Variants in ATP13A1 observed in about 807,000 individuals in gnomAD.
ATP13A1 encodes ATPase 13A1, also known as endoplasmic reticulum transmembrane helix translocase.
ATP13A1 carries 55 observed loss-of-function variants against 134.8 expected under a neutral mutation model. That is an observed-to-expected ratio of 0.41 (90% confidence interval 0.33 to 0.51). ATP13A1 has a LOEUF of 0.51. ATP13A1 is among the 20% of genes least tolerant of loss of function. The probability of loss-of-function intolerance (pLI) is 0.29; values close to 1 mark genes in which losing one functional copy is unlikely to be tolerated. For missense variants in ATP13A1, 1,389 were observed against 1,652.8 expected (o/e 0.84, Z 2.77); for synonymous variants, 775 against 725.1 (o/e 1.07, Z -1.10).
chr19:19,655,748 A>C lies in ATP13A1; in HGVS notation c.1270-94T>G, dbSNP rs1416926971. On this transcript the variant is annotated intron_variant, in intron 9 of 25. Coordinates refer to ENST00000357324, the MANE Select transcript of ATP13A1 (RefSeq NM_020410.3). This position sits in a 1 kb window ranked among gnomAD's most constrained non-coding sequence, Gnocchi z 5.7. ...GGCCTGGTCTTGGGGTGGCCTCTGC[A>C]CCCTGGCCCAGGTCCAGGGCCGTGC... The C allele has an allele frequency of 1.3e-6, 2 of 1,540,850 alleles. No homozygotes were observed. Among genetic ancestry groups the C allele is most frequent in the Non-Finnish European group, 1.8e-6 (2 of 1,142,154 alleles).
At chr19:19,663,123 T>A in intron 1 of ATP13A1, 148 bp downstream of exon 1, 1 of 1,205,280 alleles carries the variant, frequency 8.3e-7, no homozygotes, top group Non-Finnish European at 1.2e-6. Context: ...TGATTAAGCC[T>A]GCGCCAAAGT....
rs1181911577 is a variant in ATP13A1 at position 19,663,410 on chromosome 19, C to G, written c.257G>C (p.Cys86Ser). ...CACCCAACTGCTGCCCCAGCCCCAGCAGCCAGCGGCTGCGGCACCCAACCA... is the reference window on the plus strand; with the variant it reads ...CACCCAACTGCTGCCCCAGCCCCAGGAGCCAGCGGCTGCGGCACCCAACCA... ...PAWLGAAAAG[C>S]WGWGSSWVQI... The change falls in exon 1 of 26, where the codon TGC becomes TCC. Residue 86 changes from cysteine to serine, a missense_variant. Physicochemically the swap from Cys to Ser is moderately radical, Grantham distance 112. Coordinates refer to ENST00000357324, the MANE Select transcript of ATP13A1 (RefSeq NM_020410.3). The G allele has an allele frequency of 1.9e-6, 3 of 1,580,372 alleles. No individual in the cohort carries two copies. The highest frequency in any genetic ancestry group is 2.3e-5 in the South Asian group (2 of 86,938).
chr19:19,663,037 T>G, intron 1 of ATP13A1: 1 of 718,898 alleles, frequency 1.4e-6, no homozygotes, highest in Non-Finnish European at 2.5e-6. Context: ...TGAATCTAAA[T>G]GACCATAACA....
At chr19:19,662,573 C>T (rs1021476276) in intron 1 of ATP13A1, among the ~76,000 whole-genome samples, 2 of 152,142 alleles carry the variant, frequency 1.3e-5, no homozygotes, top group African/African-American at 4.8e-5. Context: ...CCAACTCCTC[C>T]GACGACACTT....
At chr19:19,657,856 C>T (rs2062069415) in intron 3 of ATP13A1, among the ~76,000 whole-genome samples, 1 of 152,098 alleles carries the variant, frequency 6.6e-6, no homozygotes, top group Admixed American at 6.6e-5. Flanking sequence ...TGAATTAAAG[C>T]CCCAGAATGG....
chr19:19,655,527 C>A lies in ATP13A1; in HGVS notation c.1396+1G>T. ...GGGACCACAGAGGCCGTGGCGCTTA[C>A]CTTCAATCCATACATAGGCAGCTGC... On this transcript the variant is annotated splice_donor_variant, in intron 10 of 25. Transcript: ENST00000357324. LOFTEE classifies it high-confidence loss of function. This position sits in a 1 kb window ranked among gnomAD's most constrained non-coding sequence, Gnocchi z 5.7. 1 of 1,613,986 alleles carries A rather than the reference C, an allele frequency of 6.2e-7. No individual in the cohort carries two copies. Among genetic ancestry groups the A allele is most frequent in the Non-Finnish European group, 8.5e-7 (1 of 1,179,880 alleles).
At position 19,651,728 on chromosome 19, in the gene ATP13A1, T is replaced by C. The variant is rs913818782; in HGVS notation, c.2296A>G (p.Lys766Glu). ...GGCTGCAGGATCAGCGTGTGGGCCT[T>C]TTCAATGAAGTGCAGCTCCTGGGCC... Reference protein sequence around the residue: ...HVAQELHFIEKAHTLILQPPS... With the variant: ...HVAQELHFIEEAHTLILQPPS... The change falls in exon 17 of 26, where the codon AAG becomes GAG. Residue 766 changes from lysine (K) to glutamate (E), a missense_variant. This residue lies in a region of ATP13A1 where 747 missense variants were observed against 956.1 expected (regional missense o/e 0.78). Coordinates refer to ENST00000357324, the MANE Select transcript of ATP13A1 (RefSeq NM_020410.3). 1.9e-6 allele frequency: 3 copies of C among 1,613,218 alleles called. No homozygotes were observed. The highest frequency in any genetic ancestry group is 2.5e-6 in the Non-Finnish European group (3 of 1,179,642).
intron 3 of ATP13A1, among the ~76,000 whole-genome samples, chr19:19,657,913 C>A (rs929382950): frequency 6.6e-6 from 1 of 152,022 alleles, no homozygotes; most frequent in Non-Finnish European, 1.5e-5. Flanking sequence ...CTTTGGGAGG[C>A]CGAGGCAGGA....
Position 19,645,549 on chromosome 19 carries a change from G to C in ATP13A1, c.3505-17C>G. ...CAGCTTGAACTGTCGGGGCAGGGAG[G>C]GATGGTGAGCTGGAGACCTGCAGCC... On this transcript the variant is annotated splice_polypyrimidine_tract_variant and intron_variant, in intron 25 of 25. Coordinates refer to ENST00000357324, the MANE Select transcript of ATP13A1 (RefSeq NM_020410.3). This position sits in a 1 kb window ranked among gnomAD's most constrained non-coding sequence, Gnocchi z 4.1. 2 of 1,581,192 alleles carry C rather than the reference G, an allele frequency of 1.3e-6. No individual in the cohort carries two copies. The highest frequency in any genetic ancestry group is 1.7e-6 in the Non-Finnish European group (2 of 1,163,908).
chr19:19,662,139 T>C (rs1251028562), intron 1 of ATP13A1: 1 of 1,558,200 alleles, frequency 6.4e-7, no homozygotes. Flanking sequence ...AGTTAAGAGC[T>C]AAGCTGCTTA....
In ATP13A1 at chr19:19,655,302, T is replaced by C. The variant is rs1365589486; in HGVS notation, c.1534+14A>G. On this transcript the variant is annotated intron_variant, in intron 11 of 25. Transcript: ENST00000357324. This position sits in a 1 kb window ranked among gnomAD's most constrained non-coding sequence, Gnocchi z 5.7. Reference sequence around the variant, plus strand: ...CCAGCCCACTCGGCACCCCATCCCATTTGACACACTCACAGAGCTTGGCCA... The same window carrying C: ...CCAGCCCACTCGGCACCCCATCCCACTTGACACACTCACAGAGCTTGGCCA... 2.5e-6 allele frequency: 4 copies of C among 1,613,722 alleles called. No individual in the cohort carries two copies. The South Asian group carries it at 3.3e-5, about 13-fold the overall frequency.
In ATP13A1 at chr19:19,655,050, G is replaced by T; in HGVS notation, c.1655+69C>A. ...CACTGCAAGGGCTTGGGGTGGATGG[G>T]CCACCTGTCTCTCGACTTCCCAGAA... On this transcript the variant is annotated intron_variant, in intron 12 of 25. Coordinates refer to ENST00000357324, the MANE Select transcript of ATP13A1 (RefSeq NM_020410.3). This position sits in a 1 kb window ranked among gnomAD's most constrained non-coding sequence, Gnocchi z 5.7. The T allele has an allele frequency of 1.3e-6, 2 of 1,589,096 alleles. No homozygotes were observed. Among genetic ancestry groups the T allele is most frequent in the African/African-American group, 1.3e-5 (1 of 74,628 alleles).
At chr19:19,652,932 TC>T in intron 15 of ATP13A1, 3 of 633,138 alleles carry the variant, frequency 4.7e-6, no homozygotes, top group Non-Finnish European at 7.9e-6. Flanking sequence ...GGGGTCTGGG[TC>T]CCCCGAATGT....
chr19:19,648,853 G>A (rs555592087), intron 19 of ATP13A1, among the ~76,000 whole-genome samples: 1 of 148,122 alleles, frequency 6.8e-6, no homozygotes, highest in East Asian at 2.0e-4. Context: ...GGGATGCAGT[G>A]GTTCACACCT....
chr19:19,652,124 C>T lies in ATP13A1; in HGVS notation c.2227-327G>A, dbSNP rs77398914. Among the ~76,000 whole-genome samples the T allele has an allele frequency of 5.0e-3, 766 of 152,256 alleles. 11 individuals are homozygous for T. Among genetic ancestry groups the T allele is most frequent in the African/African-American group, 0.018 (737 of 41,542 alleles). ...AGCAAAGAGGAGGATGGGACCATGA[C>T]CTCTGGGCTTGGTGGGGACTAATCA... On this transcript the variant is annotated intron_variant, in intron 16 of 25. Transcript: ENST00000357324.
Position 19,645,550 on chromosome 19 carries a change from G to A in ATP13A1, c.3505-18C>T. On this transcript the variant is annotated intron_variant, in intron 25 of 25. Coordinates refer to ENST00000357324, the MANE Select transcript of ATP13A1 (RefSeq NM_020410.3). This position sits in a 1 kb window ranked among gnomAD's most constrained non-coding sequence, Gnocchi z 4.1. ...AGCTTGAACTGTCGGGGCAGGGAGG[G>A]ATGGTGAGCTGGAGACCTGCAGCCC... 2 of 1,580,572 alleles carry A rather than the reference G, an allele frequency of 1.3e-6. No homozygotes were observed. Among genetic ancestry groups the A allele is most frequent in the Non-Finnish European group, 1.7e-6 (2 of 1,163,566 alleles).
At chr19:19,649,480 A>C in intron 19 of ATP13A1, 87 bp downstream of exon 19, 7 of 1,409,776 alleles carry the variant, frequency 5.0e-6, no homozygotes, top group Non-Finnish European at 6.9e-6. Context: ...CGTGGCTGTC[A>C]CCAAGGGCCA....
intron 3 of ATP13A1, among the ~76,000 whole-genome samples, chr19:19,658,595 G>T (rs573404592): frequency 6.6e-4 from 100 of 152,286 alleles, no homozygotes; most frequent in African/African-American, 2.4e-3. Context: ...TGGGTTTCTG[G>T]GTTGAGGACC....
At chr19:19,649,111 G>C (rs2062007390) in intron 19 of ATP13A1, among the ~76,000 whole-genome samples, 1 of 151,768 alleles carries the variant, frequency 6.6e-6, no homozygotes, top group South Asian at 2.1e-4. Context: ...GACAGAGCAA[G>C]GCTCCGTCAA....
Sources: gnomAD v4.1 joint callset for allele counts (sites outside exome capture counted in the v4.1 genomes callset) on GRCh38, gnomAD v4.1.1 for gene constraint, gnomAD v4.1.1 regional missense constraint, Gnocchi (gnomAD v3.1) non-coding constraint, MANE v1.5 for transcripts, NCBI Gene and HGNC (gene_info 2026-07-23, HGNC 2026-07-21) for gene names.